The following SIPA1L3 variants were observed in gnomAD, a reference collection of about 807,000 sequenced individuals.
The protein encoded by SIPA1L3 is signal induced proliferation associated 1 like 3, also known as signal-induced proliferation-associated 1-like protein 3.
A neutral mutation model predicts 150.1 loss-of-function variants in SIPA1L3; 59 were observed. The observed-to-expected ratio is 0.39, with a 90% CI of 0.32 to 0.49. SIPA1L3 has a LOEUF of 0.49. Ranked by LOEUF, SIPA1L3 falls within the 20% of genes least tolerant of loss-of-function variation. The pLI, the probability that SIPA1L3 is intolerant of heterozygous loss-of-function variation, is 0.86. For missense variants in SIPA1L3, 2,211 were observed against 2,489.5 expected, an observed-to-expected ratio of 0.89 and a Z score of 2.38; for synonymous variants, 1,070 against 1,077.6, an observed-to-expected ratio of 0.99 and a Z score of 0.14.
At chr19:38,174,588 G>A (rs549555187) in intron 15 of SIPA1L3, among the ~76,000 whole-genome samples, 2 of 152,128 alleles carry the variant, frequency 1.3e-5, no homozygotes, top group South Asian at 2.1e-4. Context: ...ACGGTGGCTC[G>A]CCTCTCATCC....
intron 1 of SIPA1L3, among the ~76,000 whole-genome samples, chr19:37,988,237 G>A (rs560688263): frequency 6.6e-6 from 1 of 152,336 alleles, no homozygotes; most frequent in East Asian, 1.9e-4. Context: ...GAAAAGTCAA[G>A]GCCAGGTGCA....
chr19:38,023,372 G>A (rs994227195), intron 1 of SIPA1L3, among the ~76,000 whole-genome samples: 8 of 152,218 alleles, frequency 5.3e-5, no homozygotes, highest in Admixed American at 1.3e-4. Flanking sequence ...AATCATTATT[G>A]TGTGCTATTA....
chr19:38,025,687 T>G (rs1968493701), intron 1 of SIPA1L3, among the ~76,000 whole-genome samples: 1 of 152,230 alleles, frequency 6.6e-6, no homozygotes, highest in African/African-American at 2.4e-5. Flanking sequence ...AGGCGGCTAT[T>G]AAAATTTTAT....
intron 15 of SIPA1L3, among the ~76,000 whole-genome samples, chr19:38,178,257 CT>C (rs1972485681): frequency 6.6e-6 from 1 of 151,830 alleles, no homozygotes; most frequent in Admixed American, 6.6e-5. Flanking sequence ...AATCCTAGCA[CT>C]TTGGGAGGCT....
In SIPA1L3 at chr19:38,101,206, C is replaced by T; in HGVS notation, c.2009C>T (p.Ala670Val). 1 of 1,583,174 alleles carries T rather than the reference C, an allele frequency of 6.3e-7. No individual in the cohort carries two copies. Among genetic ancestry groups the T allele is most frequent in the Non-Finnish European group, 8.6e-7 (1 of 1,164,872 alleles). Residue 670 changes from alanine to valine, a missense_variant, in exon 6 of 22, where the codon GCT becomes GTT. By Grantham distance (64) the Ala-to-Val change is moderately conservative. This residue lies in a region of SIPA1L3 where 625 missense variants were observed against 804.2 expected (regional missense o/e 0.78). Transcript: ENST00000222345. ...TGCCTGAAGGGCTTCACCAAGTACGCTGCCCAGCTGGACGTCAAGAGTAAG... is the reference window on the plus strand; with the variant it reads ...TGCCTGAAGGGCTTCACCAAGTACGTTGCCCAGCTGGACGTCAAGAGTAAG... ...KVCLKGFTKY[A>V]AQLDVKTDST...
At chr19:38,162,114 T>G (rs1972102116) in intron 13 of SIPA1L3, 139 bp from the exon 14 acceptor site, 4 of 707,894 alleles carry the variant, frequency 5.7e-6, no homozygotes, top group Admixed American at 2.0e-5. Context: ...GTATTCTCTG[T>G]TACTGAGTGT....
intron 1 of SIPA1L3, among the ~76,000 whole-genome samples, chr19:37,973,789 T>C (rs1234683213): frequency 6.6e-6 from 1 of 152,146 alleles, no homozygotes; most frequent in Non-Finnish European, 1.5e-5. Context: ...GAGGTAAACA[T>C]TTGATACAAC....
chr19:37,985,307 C>T (rs1204242722), intron 1 of SIPA1L3, among the ~76,000 whole-genome samples: 1 of 151,964 alleles, frequency 6.6e-6, no homozygotes, highest in Non-Finnish European at 1.5e-5. Flanking sequence ...AGCAATCCTC[C>T]CACCTCAGCC....
intron 1 of SIPA1L3, among the ~76,000 whole-genome samples, chr19:37,923,509 C>CACCT (rs998049200): frequency 5.9e-5 from 9 of 152,112 alleles, no homozygotes; most frequent in African/African-American, 2.2e-4. Context: ...TTAAAAGGTG[C>CACCT]ACCTGTACAG....
intron 11 of SIPA1L3, 36 bp downstream of exon 11, chr19:38,141,471 C>G (rs369734299): frequency 7.6e-6 from 12 of 1,586,434 alleles, no homozygotes; most frequent in African/African-American, 1.3e-5. Context: ...ACTTCCCAAC[C>G]CCCACCAGCC....
intron 15 of SIPA1L3, among the ~76,000 whole-genome samples, chr19:38,180,497 T>C (rs1265968147): frequency 2.0e-5 from 3 of 151,760 alleles, no homozygotes; most frequent in Admixed American, 1.3e-4. Context: ...TTCTTGATGC[T>C]TTCAAGATGT....
chr19:38,026,003 A>G (rs1968500857), intron 1 of SIPA1L3, among the ~76,000 whole-genome samples: 2 of 152,222 alleles, frequency 1.3e-5, no homozygotes, highest in Non-Finnish European at 2.9e-5. Flanking sequence ...CAAGAACAGC[A>G]GTTGCCTCTG....
At chr19:38,057,280 ATATATATATG>A (rs1368974499) in intron 2 of SIPA1L3, among the ~76,000 whole-genome samples, 2 of 149,942 alleles carry the variant, frequency 1.3e-5, no homozygotes, top group East Asian at 1.9e-4. Flanking sequence ...TCTCAAATAT[ATATATATATG>A]TATATATATG....
At chr19:38,027,206 T>C (rs1297188880) in intron 1 of SIPA1L3, among the ~76,000 whole-genome samples, 1 of 152,062 alleles carries the variant, frequency 6.6e-6, no homozygotes, top group African/African-American at 2.4e-5. Context: ...CAGAATTGCT[T>C]GAGTCTGGGA....
intron 2 of SIPA1L3, among the ~76,000 whole-genome samples, chr19:38,036,536 A>C (rs1968794719): frequency 6.6e-6 from 1 of 152,132 alleles, no homozygotes; most frequent in South Asian, 2.1e-4. Flanking sequence ...TGCTTGGCCC[A>C]TTCCCCGCTT....
Position 38,128,648 on chromosome 19 carries a change from G to C in SIPA1L3, c.2869-1850G>C, listed in dbSNP as rs1049806055. 8.5e-5 allele frequency among the ~76,000 whole-genome samples: 13 copies of C among 152,136 alleles called. 1 individual carries two copies. The highest frequency in any genetic ancestry group is 3.1e-4 in the African/African-American group (13 of 41,402). On this transcript the variant is annotated intron_variant, in intron 9 of 21. Coordinates refer to ENST00000222345, the MANE Select transcript of SIPA1L3 (RefSeq NM_015073.3). ...GCAGTGGCTCACGCCTGTAATCCCAGCACTTTGGGAGGCCGAGACAGGTGA... is the reference window on the plus strand; with the variant it reads ...GCAGTGGCTCACGCCTGTAATCCCACCACTTTGGGAGGCCGAGACAGGTGA...
At chr19:37,992,989 A>G (rs1418445188) in intron 1 of SIPA1L3, among the ~76,000 whole-genome samples, 1 of 152,178 alleles carries the variant, frequency 6.6e-6, no homozygotes, top group African/African-American at 2.4e-5. Context: ...CCCCGGCAGG[A>G]TCCTCAGACT....
At chr19:38,100,212 T>TGACCTCAGATGATCCACCTGCCTC in intron 5 of SIPA1L3, 62 bp downstream of exon 5, 1 of 1,272,434 alleles carries the variant, frequency 7.9e-7, no homozygotes, top group Non-Finnish European at 1.1e-6. Context: ...CCACTCCTGG[T>TGACCTCAGATGATCCACCTGCCTC]AGCTTTTTCT....
chr19:38,001,407 A>T (rs1967805991), intron 1 of SIPA1L3, among the ~76,000 whole-genome samples: 1 of 152,070 alleles, frequency 6.6e-6, no homozygotes, highest in Non-Finnish European at 1.5e-5. Flanking sequence ...GATCTTGCAA[A>T]AGAACCACAT....
Sources: gnomAD v4.1 joint callset for allele counts (sites outside exome capture counted in the v4.1 genomes callset) on GRCh38, gnomAD v4.1.1 for gene constraint, gnomAD v4.1.1 regional missense constraint, MANE v1.5 for transcripts, NCBI Gene and HGNC (gene_info 2026-07-23, HGNC 2026-07-21) for gene names.